CABLES1: variants seen among roughly 807,000 people sequenced by gnomAD.
The protein encoded by CABLES1 is CDK5 and ABL1 enzyme substrate 1.
In CABLES1, 36 loss-of-function variants were observed where a neutral mutation model predicts 57.8. That is an observed-to-expected ratio of 0.62 (90% CI 0.48 to 0.82). The LOEUF (loss-of-function observed/expected upper bound fraction) is 0.82. CABLES1 is among the 40% of genes least tolerant of loss of function. CABLES1 has a pLI of 0.00. For synonymous variants in CABLES1, 374 were observed against 363.0 expected (o/e 1.03, Z -0.35); for missense variants, 767 against 836.6 (o/e 0.92, Z 1.03).
At position 23,176,477 on chromosome 18, in the gene CABLES1, A is replaced by G. The variant is rs951193466; in HGVS notation, c.846-12361A>G. Among the ~76,000 whole-genome samples, 3 of 152,094 alleles carry G rather than the reference A, an allele frequency of 2.0e-5. No individual in the cohort carries two copies. The East Asian group carries it at 5.8e-4, about 29-fold the overall frequency. On this transcript the variant is annotated intron_variant, in intron 1 of 9. Transcript: ENST00000256925. ...AGGCCGTAAGACCCCAGTACTGTCC[A>G]TGGCCTGGGGCTTGGGGACCCCTGC...
chr18:23,256,586 G>C (rs1048537006), intron 9 of CABLES1, among the ~76,000 whole-genome samples: 22 of 152,042 alleles, frequency 1.4e-4, no homozygotes, highest in African/African-American at 5.3e-4. Flanking sequence ...GTTCAAGTGA[G>C]TCTCCTGCTT....
chr18:23,243,479 T>G (rs1390906803), intron 7 of CABLES1, among the ~76,000 whole-genome samples: 1 of 150,860 alleles, frequency 6.6e-6, no homozygotes, highest in Non-Finnish European at 1.5e-5. Flanking sequence ...TTTTTTTTTT[T>G]TTTTTTTTTT....
chr18:23,221,991 T>G lies in CABLES1; in HGVS notation c.1088+7937T>G, dbSNP rs1393554372. 2.0e-5 allele frequency among the ~76,000 whole-genome samples: 3 copies of G among 152,218 alleles called. No homozygotes were observed. The East Asian group carries it at 5.8e-4, about 29-fold the overall frequency. ...CCTTCCTTCCCCATAGGTGTGCTCCTGTTAAGGACAAGACAGTGTCTAGTG... is the reference window on the plus strand; with the variant it reads ...CCTTCCTTCCCCATAGGTGTGCTCCGGTTAAGGACAAGACAGTGTCTAGTG... On this transcript the variant is annotated intron_variant, in intron 4 of 9. Transcript: ENST00000256925.
chr18:23,246,585 G>C (rs527365251), intron 7 of CABLES1, among the ~76,000 whole-genome samples: 1 of 151,790 alleles, frequency 6.6e-6, no homozygotes, highest in African/African-American at 2.4e-5. Flanking sequence ...TAGAGATGGG[G>C]TTTCACCGTG....
At chr18:23,252,505 GTTAC>G (rs955504487) in intron 7 of CABLES1, among the ~76,000 whole-genome samples, 5 of 152,334 alleles carry the variant, frequency 3.3e-5, no homozygotes, top group Non-Finnish European at 4.4e-5. Context: ...AGTAGGCACT[GTTAC>G]TGTTTTTTGT....
intron 4 of CABLES1, chr18:23,219,232 C>T (rs765024397): frequency 2.6e-5 from 12 of 453,998 alleles, no homozygotes; most frequent in African/African-American, 8.0e-5. Flanking sequence ...GCCTACTCTC[C>T]GTGCCATCCC....
intron 3 of CABLES1, among the ~76,000 whole-genome samples, chr18:23,211,816 C>T (rs9955684): frequency 1.3e-3 from 192 of 152,344 alleles, no homozygotes; most frequent in African/African-American, 4.4e-3. Flanking sequence ...TTGGCTGTTA[C>T]GTCTCTGTAG....
chr18:23,154,180 T>A (rs990414029), intron 1 of CABLES1, among the ~76,000 whole-genome samples: 9 of 152,200 alleles, frequency 5.9e-5, no homozygotes, highest in African/African-American at 1.9e-4. Context: ...TGTATCTGAT[T>A]GCCAAGTGCT....
chr18:23,174,717 C>T (rs1223102827), intron 1 of CABLES1, among the ~76,000 whole-genome samples: 1 of 150,368 alleles, frequency 6.7e-6, no homozygotes, highest in Non-Finnish European at 1.5e-5. Flanking sequence ...CGTAATCCGC[C>T]CACCTTGGCC....
At chr18:23,224,567 T>C in intron 4 of CABLES1, among the ~76,000 whole-genome samples, 1 of 142,700 alleles carries the variant, frequency 7.0e-6, no homozygotes, top group South Asian at 2.4e-4. Flanking sequence ...AGAGCTTTTT[T>C]TTTTTTTTTT....
At chr18:23,137,529 A>G (rs908958516) in intron 1 of CABLES1, among the ~76,000 whole-genome samples, 1 of 152,148 alleles carries the variant, frequency 6.6e-6, no homozygotes, top group African/African-American at 2.4e-5. Context: ...GAAGTTAGCA[A>G]TAGCATAGAC....
At chr18:23,141,519 A>T (rs907055484) in intron 1 of CABLES1, among the ~76,000 whole-genome samples, 1 of 152,224 alleles carries the variant, frequency 6.6e-6, no homozygotes, top group Non-Finnish European at 1.5e-5. Context: ...TCTGTAAAGA[A>T]CTTTGATCTC....
chr18:23,239,867 C>T (rs190303999), intron 7 of CABLES1, among the ~76,000 whole-genome samples: 1 of 152,270 alleles, frequency 6.6e-6, no homozygotes, highest in Non-Finnish European at 1.5e-5. Context: ...CCTGTAATCC[C>T]AGAACTTTGG....
At chr18:23,153,868 TA>T (rs1225849778) in intron 1 of CABLES1, among the ~76,000 whole-genome samples, 3 of 152,060 alleles carry the variant, frequency 2.0e-5, no homozygotes, top group Non-Finnish European at 2.9e-5. Context: ...CCATCTCTAC[TA>T]AAAATATAAA....
rs1555671608 is a variant in CABLES1, at chr18:23,248,538, T to TTTTTTTTTTTA, written c.1447-4422_1447-4421insTTTTTTTTTTA. On this transcript the variant is annotated intron_variant, in intron 7 of 9. Coordinates refer to ENST00000256925, the MANE Select transcript of CABLES1 (RefSeq NM_001100619.3). Reference sequence around the variant, plus strand: ...TTTTTTTTTTTTTTTTTTTTTTTTTTAAAAAAAGGCTGGACGTGGTGGCTC... The same window carrying TTTTTTTTTTTA: ...TTTTTTTTTTTTTTTTTTTTTTTTTTTTTTTTTTTTAAAAAAAAGGCTGGACGTGGTGGCTC... Among the ~76,000 whole-genome samples, 418 of 93,556 alleles carry TTTTTTTTTTTA rather than the reference T, an allele frequency of 4.5e-3. 8 individuals are homozygous for TTTTTTTTTTTA. The highest frequency in any genetic ancestry group is 9.4e-3 in the Middle Eastern group (2 of 212). 61.4% of individuals were successfully genotyped at this position (93,556 alleles called of 152,430 possible).
Position 23,215,802 on chromosome 18 carries a change from G to A in CABLES1, c.1088+1748G>A, listed in dbSNP as rs527685233. ...AGAGTCTTGCTCTGTCACTCAGGCT[G>A]GAGTGCAGTGGTGCGATCTCGGCTC... On this transcript the variant is annotated intron_variant, in intron 4 of 9. Transcript: ENST00000256925. 4.6e-5 allele frequency among the ~76,000 whole-genome samples: 7 copies of A among 150,746 alleles called. No individual in the cohort carries two copies. In the East Asian group the frequency reaches 1.4e-3, roughly 29 times the overall value.
chr18:23,222,563 T>G (rs919789362), intron 4 of CABLES1, among the ~76,000 whole-genome samples: 56 of 148,290 alleles, frequency 3.8e-4, no homozygotes, highest in African/African-American at 1.2e-3. Context: ...TATATATAGA[T>G]ATATATAGAT....
intron 4 of CABLES1, among the ~76,000 whole-genome samples, chr18:23,229,907 G>C (rs2047554812): frequency 6.6e-6 from 1 of 152,174 alleles, no homozygotes; most frequent in Non-Finnish European, 1.5e-5. Context: ...GTTTATGGGG[G>C]TCAAGTACGA....
chr18:23,182,259 A>C (rs1163493651), intron 1 of CABLES1, among the ~76,000 whole-genome samples: 4 of 152,212 alleles, frequency 2.6e-5, no homozygotes, highest in African/African-American at 9.6e-5. Context: ...TGCGGGCCTC[A>C]GTGCTCCAGG....
Sources: gnomAD v4.1 joint callset for allele counts (sites outside exome capture counted in the v4.1 genomes callset) on GRCh38, gnomAD v4.1.1 for gene constraint, MANE v1.5 for transcripts, NCBI Gene and HGNC (gene_info 2026-07-23, HGNC 2026-07-21) for gene names.